Variants in PCSK2 observed in about 807,000 individuals in gnomAD.
The protein encoded by PCSK2 is proprotein convertase subtilisin/kexin type 2, also known as neuroendocrine convertase 2.
Under a neutral mutation model 69.7 loss-of-function variants are expected in PCSK2, and 14 were observed. The observed-to-expected ratio is 0.20, with a 90% CI of 0.13 to 0.31. The LOEUF is 0.31. PCSK2 is among the 10% of genes least tolerant of loss of function. The pLI is 1.00. For missense variants in PCSK2, 544 were observed against 842.5 expected (o/e 0.65, Z 4.39); for synonymous variants, 307 against 320.7 (o/e 0.96, Z 0.46).
In PCSK2 at chr20:17,353,894, T is replaced by C. The variant is rs2030102397; in HGVS notation, c.283-4433T>C. 3.3e-5 allele frequency among the ~76,000 whole-genome samples: 5 copies of C among 152,094 alleles called. No homozygotes were observed. The South Asian group carries it at 1.0e-3, about 31-fold the overall frequency. On this transcript the variant is annotated intron_variant, in intron 2 of 11. Transcript: ENST00000262545. ...TCATTATCCTAAGCAAATTAACACC[T>C]GAACAGAAAGACAAATACCAGGAGT... is the stretch of plus-strand genomic sequence containing the variant.
At chr20:17,267,377 A>G (rs564129315) in intron 2 of PCSK2, among the ~76,000 whole-genome samples, 1 of 152,284 alleles carries the variant, frequency 6.6e-6, no homozygotes, top group Non-Finnish European at 1.5e-5. Flanking sequence ...GAGAAATGCA[A>G]TGGGGGAGGT....
At chr20:17,387,924 G>A (rs142807344) in intron 5 of PCSK2, among the ~76,000 whole-genome samples, 292 of 152,308 alleles carry the variant, frequency 1.9e-3, no homozygotes, top group African/African-American at 6.9e-3. Context: ...ATATAAATGT[G>A]TTTAATATGG....
At chr20:17,442,726 C>T (rs530091170) in intron 8 of PCSK2, among the ~76,000 whole-genome samples, 1 of 152,316 alleles carries the variant, frequency 6.6e-6, no homozygotes, top group South Asian at 2.1e-4. Flanking sequence ...TAACGTCACA[C>T]TGGGAGCTTG....
intron 5 of PCSK2, among the ~76,000 whole-genome samples, chr20:17,374,573 G>C (rs565011670): frequency 6.6e-6 from 1 of 152,120 alleles, no homozygotes; most frequent in East Asian, 1.9e-4. Flanking sequence ...CCTGAGACAA[G>C]GATTTGAAAG....
At position 17,465,532 on chromosome 20, in the gene PCSK2, G is replaced by A; in HGVS notation, c.1409G>A (p.Gly470Glu). ...GTGCCTGAGAGATTCCACTGTGTGG[G>A]AGGCTCCGTGCAGGACCCTGAGTAA... Reference protein sequence around the residue: ...KTVPERFHCVGGSVQDPEKIP... With the variant: ...KTVPERFHCVEGSVQDPEKIP... Residue 470 changes from glycine (G) to glutamate (E), a missense_variant, in exon 11 of 12, where the codon GGA becomes GAA. Gly to Glu is a moderately conservative substitution (Grantham distance 98, BLOSUM62 -2). This residue lies in a region of PCSK2 where 200 missense variants were observed against 287.8 expected (regional missense o/e 0.69). Transcript: ENST00000262545. The A allele has an allele frequency of 6.2e-7, 1 of 1,602,896 alleles. No homozygotes were observed. Among genetic ancestry groups the A allele is most frequent in the Non-Finnish European group, 8.5e-7 (1 of 1,173,892 alleles).
intron 2 of PCSK2, among the ~76,000 whole-genome samples, chr20:17,347,654 G>GCA (rs1256130962): frequency 6.6e-6 from 1 of 151,990 alleles, no homozygotes; most frequent in East Asian, 1.9e-4. Context: ...CGTAACAAAT[G>GCA]CACGCTGTGC....
intron 5 of PCSK2, among the ~76,000 whole-genome samples, chr20:17,381,098 G>T (rs542506530): frequency 6.6e-6 from 1 of 152,302 alleles, no homozygotes; most frequent in Non-Finnish European, 1.5e-5. Context: ...GGCCAAGGCG[G>T]AGAGAATCTC....
At chr20:17,230,613 T>G (rs537236230) in intron 1 of PCSK2, among the ~76,000 whole-genome samples, 1 of 152,246 alleles carries the variant, frequency 6.6e-6, no homozygotes, top group African/African-American at 2.4e-5. Flanking sequence ...ATTATATTTA[T>G]CATTTATTTT....
Position 17,227,083 on chromosome 20 carries a change from T to G in PCSK2, c.-223T>G, listed in dbSNP as rs1367865092. 3 of 552,012 alleles carry G rather than the reference T, an allele frequency of 5.4e-6. No individual in the cohort carries two copies. In the African/African-American group the frequency reaches 5.7e-5, roughly 10 times the overall value. 34.2% of individuals were successfully genotyped at this position (552,012 alleles called of 1,614,324 possible). On this transcript the variant is annotated 5_prime_UTR_variant, in exon 1 of 12. Transcript: ENST00000262545. Reference sequence around the variant, plus strand: ...ACACAGCTCCCCACATTCGCACCCCTGCCCGCGCGCCGGGCCGCCTGACTG... The same window carrying G: ...ACACAGCTCCCCACATTCGCACCCCGGCCCGCGCGCCGGGCCGCCTGACTG...
intron 10 of PCSK2, 41 bp from the exon 11 acceptor site, chr20:17,465,285 C>T (rs1303001002): frequency 7.1e-7 from 1 of 1,405,450 alleles, no homozygotes; most frequent in Non-Finnish European, 1.0e-6. Context: ...CTCACCCTGC[C>T]TTTTGCCCTT....
intron 6 of PCSK2, among the ~76,000 whole-genome samples, chr20:17,415,622 A>G (rs2031981844): frequency 6.6e-6 from 1 of 152,218 alleles, no homozygotes; most frequent in African/African-American, 2.4e-5. Context: ...TAATTTGTAG[A>G]TTCAATGCCA....
At chr20:17,229,171 G>A (rs1986050267) in intron 1 of PCSK2, among the ~76,000 whole-genome samples, 1 of 151,852 alleles carries the variant, frequency 6.6e-6, no homozygotes, top group Non-Finnish European at 1.5e-5. Context: ...TCTCTGAGGA[G>A]GCTACTATCA....
At chr20:17,243,855 A>T (rs1986675178) in intron 1 of PCSK2, among the ~76,000 whole-genome samples, 1 of 151,848 alleles carries the variant, frequency 6.6e-6, no homozygotes, top group African/African-American at 2.4e-5. Context: ...TATTAACGTC[A>T]TAAAAGAAAG....
chr20:17,455,539 C>A (rs1478215172), intron 9 of PCSK2, among the ~76,000 whole-genome samples: 1 of 152,164 alleles, frequency 6.6e-6, no homozygotes, highest in Non-Finnish European at 1.5e-5. Context: ...GTTTTAATAG[C>A]CTGCCCTTCT....
intron 1 of PCSK2, among the ~76,000 whole-genome samples, chr20:17,258,585 G>A (rs1228152178): frequency 6.6e-6 from 1 of 152,158 alleles, no homozygotes; most frequent in Non-Finnish European, 1.5e-5. Context: ...AAAGAAGGAA[G>A]TAGTCTAGGT....
intron 2 of PCSK2, among the ~76,000 whole-genome samples, chr20:17,283,329 G>T (rs533533859): frequency 6.6e-6 from 1 of 152,260 alleles, no homozygotes; most frequent in South Asian, 2.1e-4. Context: ...ACAAGCGGGG[G>T]CATTCAGGGT....
At position 17,332,074 on chromosome 20, in the gene PCSK2, G is replaced by A. The variant is rs546610450; in HGVS notation, c.283-26253G>A. Among the ~76,000 whole-genome samples the A allele has an allele frequency of 2.0e-4, 30 of 152,218 alleles. No individual in the cohort carries two copies. The East Asian group carries it at 4.8e-3, about 24-fold the overall frequency. ...CATTTGTTAACTTATTTAATTTCAC[G>A]AGAATCCTATAAAATTGTGCATCAG... is the stretch of plus-strand genomic sequence containing the variant. On this transcript the variant is annotated intron_variant, in intron 2 of 11. Coordinates refer to ENST00000262545, the MANE Select transcript of PCSK2 (RefSeq NM_002594.5).
chr20:17,242,684 C>A (rs1347164531), intron 1 of PCSK2, among the ~76,000 whole-genome samples: 1 of 152,058 alleles, frequency 6.6e-6, no homozygotes, highest in Admixed American at 6.5e-5. Context: ...TGAATGAGAT[C>A]TTTTGTCACA....
At chr20:17,428,142 G>C (rs944496465) in intron 6 of PCSK2, among the ~76,000 whole-genome samples, 2 of 152,094 alleles carry the variant, frequency 1.3e-5, no homozygotes, top group Admixed American at 1.3e-4. Flanking sequence ...CCCGCTTAAG[G>C]GCCAAAATTA....
Sources: allele counts gnomAD v4.1 joint callset (sites outside exome capture counted in the v4.1 genomes callset), GRCh38; gene constraint gnomAD v4.1.1; regional missense constraint gnomAD v4.1.1; transcripts MANE v1.5; gene names NCBI Gene and HGNC (gene_info 2026-07-23, HGNC 2026-07-21).